ITSN1: variants seen among roughly 807,000 people sequenced by gnomAD.
ITSN1 encodes the protein intersectin-1.
A neutral mutation model predicts 239.8 loss-of-function variants in ITSN1; 58 were observed. The observed-to-expected ratio is 0.24, with a 90% CI of 0.20 to 0.30. The LOEUF (loss-of-function observed/expected upper bound fraction) is 0.30, where lower values mean the gene tolerates loss of function less well. Ranked by LOEUF, ITSN1 falls within the 10% of genes least tolerant of loss-of-function variation. The pLI is 1.00. For synonymous variants in ITSN1, 780 were observed against 770.8 expected (o/e 1.01, Z -0.20); for missense variants, 1,558 against 2,103.3 (o/e 0.74, Z 5.07).
chr21:33,761,625 T>C (rs775207854), intron 8 of ITSN1, among the ~76,000 whole-genome samples: 22 of 152,166 alleles, frequency 1.4e-4, no homozygotes, highest in Non-Finnish European at 2.4e-4. Context: ...AAGATGGTAA[T>C]GTGGACAAAA....
intron 1 of ITSN1, among the ~76,000 whole-genome samples, chr21:33,686,677 T>C (rs1428949510): frequency 2.6e-5 from 4 of 152,196 alleles, no homozygotes; most frequent in Non-Finnish European, 5.9e-5. Flanking sequence ...CATTTCCCCT[T>C]TCCATTTTAT....
rs114855389 is a variant in ITSN1, at chr21:33,819,223, C to A, written c.2934-18C>A. On this transcript the variant is annotated intron_variant, in intron 23 of 39. Coordinates refer to ENST00000381318, the MANE Select transcript of ITSN1 (RefSeq NM_003024.3). ...TTGAAGATAAAAATTAAAATACTCT[C>A]TTCTTCCATTATTGCAGCATGGATT... is the stretch of plus-strand genomic sequence containing the variant. 6.3e-7 allele frequency: 1 copy of A among 1,584,208 alleles called. No homozygotes were observed. The highest frequency in any genetic ancestry group is 8.7e-7 in the Non-Finnish European group (1 of 1,155,236).
Position 33,650,833 on chromosome 21 carries a change from C to T in ITSN1, c.-33+8120C>T, listed in dbSNP as rs575713988. 4.2e-4 allele frequency among the ~76,000 whole-genome samples: 64 copies of T among 152,318 alleles called. 2 individuals carry two copies. The South Asian group carries it at 0.013, about 31-fold the overall frequency. ...TTGCCTTTATTTTTCCTCTTTCCTG[C>T]ACTTAATATAAAGAGCTAATATTAA... On this transcript the variant is annotated intron_variant, in intron 1 of 39. Transcript: ENST00000381318.
At position 33,840,534 on chromosome 21, in the gene ITSN1, G is replaced by T. The variant is rs1279935135; in HGVS notation, c.3661+3902G>T. On this transcript the variant is annotated intron_variant, in intron 29 of 39. Coordinates refer to ENST00000381318, the MANE Select transcript of ITSN1 (RefSeq NM_003024.3). ...ATGCACGTGGGTCTGGCTGCATTTT[G>T]TATTTTTGGTAGAGACAGGGTTTCA... is the stretch of plus-strand genomic sequence containing the variant. 2.0e-5 allele frequency among the ~76,000 whole-genome samples: 3 copies of T among 151,988 alleles called. No individual in the cohort carries two copies. The East Asian group carries it at 5.8e-4, about 29-fold the overall frequency.
chr21:33,765,890 TG>T lies in ITSN1; in HGVS notation c.805del (p.Asp269IlefsTer20). On this transcript the variant is annotated frameshift_variant, in exon 10 of 40. Transcript: ENST00000381318. LOFTEE classifies it high-confidence loss of function. Reference sequence around the variant, plus strand: ...TGTTGAATAGGAATCTTTCTGACATTGATCAAGATGGAAAACTTACAGCAGA... The same window carrying T: ...TGTTGAATAGGAATCTTTCTGACATTATCAAGATGGAAAACTTACAGCAGA... Reference protein sequence around the residue: ...LASIWNLSDIDQDGKLTAEEF... With the variant: ...LASIWNLSDIXQDGKLTAEEF... The T allele has an allele frequency of 6.2e-7, 1 of 1,614,162 alleles. No individual in the cohort carries two copies. The highest frequency in any genetic ancestry group is 8.5e-7 in the Non-Finnish European group (1 of 1,179,996).
At chr21:33,673,895 A>G (rs532917704) in intron 1 of ITSN1, among the ~76,000 whole-genome samples, 1 of 152,366 alleles carries the variant, frequency 6.6e-6, no homozygotes, top group East Asian at 1.9e-4. Flanking sequence ...TAATTATTAC[A>G]TCAAACTTCT....
rs1986659076 is a variant in ITSN1, at chr21:33,895,430, C to CGCGTGT, written c.*7131_*7132insCGTGTG. On this transcript the variant is annotated 3_prime_UTR_variant, in exon 40 of 40. Transcript: ENST00000381318. ...GTGTGTGCATGCGTGTTTGTGCGTGCGTGTGCATGTATGTGTTTGTGCGTG... is the reference window on the plus strand; with the variant it reads ...GTGTGTGCATGCGTGTTTGTGCGTGCGCGTGTGTGTGCATGTATGTGTTTGTGCGTG... 2 of 151,432 alleles carry CGCGTGT rather than the reference C, an allele frequency of 1.3e-5. No homozygotes were observed. Among genetic ancestry groups the CGCGTGT allele is most frequent in the Non-Finnish European group, 2.9e-5 (2 of 67,914 alleles). The allele number at this position is 151,432 out of a possible 1,614,324, so 9.4% of individuals were successfully genotyped here. A position where few individuals can be genotyped will look rare whatever the true frequency, so the allele number is the denominator to read the frequency against.
At position 33,882,806 on chromosome 21, in the gene ITSN1, C is replaced by T. The variant is rs1360703133; in HGVS notation, c.4554+351C>T. On this transcript the variant is annotated intron_variant, in intron 35 of 39. Coordinates refer to ENST00000381318, the MANE Select transcript of ITSN1 (RefSeq NM_003024.3). This position sits in a 1 kb window ranked among gnomAD's most constrained non-coding sequence, Gnocchi z 4.5. Reference sequence around the variant, plus strand: ...GTGCAAAACAGCACCCAGGGCCCACCGTCGCCTCCAAACAGTCCTAAGTCC... The same window carrying T: ...GTGCAAAACAGCACCCAGGGCCCACTGTCGCCTCCAAACAGTCCTAAGTCC... Among the ~76,000 whole-genome samples, 11 of 152,138 alleles carry T rather than the reference C, an allele frequency of 7.2e-5. No homozygotes were observed. In the South Asian group the frequency reaches 1.0e-3, roughly 14 times the overall value.
intron 24 of ITSN1, among the ~76,000 whole-genome samples, chr21:33,819,982 C>T (rs1298547764): frequency 6.6e-6 from 1 of 152,042 alleles, no homozygotes; most frequent in Non-Finnish European, 1.5e-5. Flanking sequence ...GAGCGAGACT[C>T]CGTCTCAAAA....
rs143379999 is a variant in ITSN1, at chr21:33,767,687, A to G, written c.927-26A>G. 639 of 1,359,570 alleles carry G rather than the reference A, an allele frequency of 4.7e-4. 3 individuals are homozygous for G. In the African/African-American group the frequency reaches 7.1e-3, roughly 15 times the overall value. 84.2% of individuals were successfully genotyped at this position (1,359,570 alleles called of 1,614,324 possible). Reference sequence around the variant, plus strand: ...CACCCAGACAGCTCTGTGTGAATCTATTTTTCTTTTTCCCCGCAATTGCAG... The same window carrying G: ...CACCCAGACAGCTCTGTGTGAATCTGTTTTTCTTTTTCCCCGCAATTGCAG... On this transcript the variant is annotated intron_variant, in intron 10 of 39. Coordinates refer to ENST00000381318, the MANE Select transcript of ITSN1 (RefSeq NM_003024.3).
intron 1 of ITSN1, among the ~76,000 whole-genome samples, chr21:33,704,417 C>CT (rs1432361302): frequency 6.6e-6 from 1 of 152,186 alleles, no homozygotes; most frequent in Non-Finnish European, 1.5e-5. Flanking sequence ...AGGCTAACTA[C>CT]TTTGTGCCTC....
chr21:33,757,549 T>G (rs1234795806), intron 8 of ITSN1, among the ~76,000 whole-genome samples: 1 of 152,102 alleles, frequency 6.6e-6, no homozygotes, highest in African/African-American at 2.4e-5. Flanking sequence ...GAAATTTAAT[T>G]TTTTTTCCCT....
chr21:33,863,062 G>A (rs1318499171), intron 31 of ITSN1, among the ~76,000 whole-genome samples: 1 of 152,192 alleles, frequency 6.6e-6, no homozygotes, highest in East Asian at 1.9e-4. Flanking sequence ...TACTCTTAGG[G>A]CTGTGGCTGC....
intron 1 of ITSN1, among the ~76,000 whole-genome samples, chr21:33,682,509 G>T (rs910993831): frequency 4.7e-5 from 7 of 150,408 alleles, no homozygotes; most frequent in Non-Finnish European, 1.0e-4. Context: ...GCCACATAGT[G>T]CCCAGCCTCT....
At chr21:33,856,294 G>C (rs1312252774) in intron 29 of ITSN1, among the ~76,000 whole-genome samples, 1 of 152,158 alleles carries the variant, frequency 6.6e-6, no homozygotes, top group South Asian at 2.1e-4. Flanking sequence ...GACCACAAAC[G>C]GGGGGACTTA....
chr21:33,687,351 T>C (rs1302886952), intron 1 of ITSN1, among the ~76,000 whole-genome samples: 1 of 133,340 alleles, frequency 7.5e-6, no homozygotes, highest in African/African-American at 3.0e-5. Flanking sequence ...TGAGCCAAGA[T>C]CGTGCCATTG....
At chr21:33,771,134 GA>G (rs1218081412) in intron 11 of ITSN1, among the ~76,000 whole-genome samples, 2 of 152,208 alleles carry the variant, frequency 1.3e-5, no homozygotes, top group Non-Finnish European at 2.9e-5. Flanking sequence ...AGGTGAGCAA[GA>G]AAACCAAAAC....
intron 1 of ITSN1, among the ~76,000 whole-genome samples, chr21:33,667,116 C>G (rs2146327797): frequency 6.6e-6 from 1 of 152,068 alleles, no homozygotes; most frequent in Admixed American, 6.5e-5. Context: ...GCATAAGCCA[C>G]CACACCCAGC....
At position 33,779,251 on chromosome 21, in the gene ITSN1, G is replaced by C. The variant is rs192014908; in HGVS notation, c.1597-2210G>C. 3.6e-3 allele frequency among the ~76,000 whole-genome samples: 552 copies of C among 151,472 alleles called. 3 individuals carry two copies. The highest frequency in any genetic ancestry group is 0.013 in the African/African-American group (536 of 41,280). Reference sequence around the variant, plus strand: ...AATTTTCTTTTCTCAAGCTTCATAAGGAGGAAGTTTAGATAATTGATTTTG... The same window carrying C: ...AATTTTCTTTTCTCAAGCTTCATAACGAGGAAGTTTAGATAATTGATTTTG... On this transcript the variant is annotated intron_variant, in intron 14 of 39. Transcript: ENST00000381318.
Sources: gnomAD v4.1 joint callset for allele counts (sites outside exome capture counted in the v4.1 genomes callset) on GRCh38, gnomAD v4.1.1 for gene constraint, Gnocchi (gnomAD v3.1) non-coding constraint, MANE v1.5 for transcripts, NCBI Gene and HGNC (gene_info 2026-07-23, HGNC 2026-07-21) for gene names.